The following IQCJ variants were observed in gnomAD, a reference collection of about 807,000 sequenced individuals.
IQCJ encodes IQ motif containing J.
A neutral mutation model predicts 11.0 loss-of-function variants in IQCJ; 9 were observed. That is an observed-to-expected ratio of 0.82 (90% CI 0.49 to 1.43). The LOEUF (loss-of-function observed/expected upper bound fraction) is 1.43, where lower values mean the gene tolerates loss of function less well. IQCJ is among the 40% of genes most tolerant of loss of function. The pLI is 0.00. For missense variants in IQCJ, 146 were observed against 133.2 expected, an observed-to-expected ratio of 1.10 and a Z score of -0.47; for synonymous variants, 55 against 51.3, an observed-to-expected ratio of 1.07 and a Z score of -0.31.
chr3:159,179,347 G>C lies in IQCJ; in HGVS notation c.10-66496G>C, dbSNP rs150901683. On this transcript the variant is annotated intron_variant, in intron 1 of 3. Coordinates refer to ENST00000397832, the MANE Select transcript of IQCJ (RefSeq NM_001042706.3). ...TTCATGGTCAGAGGTTCTCACCTCT[G>C]CATCTACTTACAGCAGCAGTGACCC... Among the ~76,000 whole-genome samples the C allele has an allele frequency of 1.2e-4, 18 of 152,152 alleles. 1 individual carries two copies. The East Asian group carries it at 3.5e-3, about 29-fold the overall frequency.
chr3:159,260,717 G>T (rs764430004), intron 3 of IQCJ, among the ~76,000 whole-genome samples: 3 of 152,120 alleles, frequency 2.0e-5, no homozygotes, highest in African/African-American at 7.2e-5. Context: ...CTTTGAGCAA[G>T]ATTTCGTAAT....
chr3:159,200,277 G>A (rs1028893219), intron 1 of IQCJ, among the ~76,000 whole-genome samples: 2 of 151,720 alleles, frequency 1.3e-5, no homozygotes, highest in Non-Finnish European at 2.9e-5. Flanking sequence ...TTGATTAAGA[G>A]GCCTGTTTCC....
At chr3:159,130,066 A>G (rs1270141845) in intron 1 of IQCJ, among the ~76,000 whole-genome samples, 3 of 152,192 alleles carry the variant, frequency 2.0e-5, no homozygotes, top group African/African-American at 7.2e-5. Flanking sequence ...GCACTCCTGT[A>G]GCAAACCATC....
At chr3:159,174,324 C>G (rs1173914150) in intron 1 of IQCJ, among the ~76,000 whole-genome samples, 2 of 151,916 alleles carry the variant, frequency 1.3e-5, no homozygotes, top group Non-Finnish European at 2.9e-5. Flanking sequence ...AGTTTTTAAC[C>G]TATATTATAT....
At chr3:159,129,184 CAG>C (rs1436494838) in intron 1 of IQCJ, among the ~76,000 whole-genome samples, 1 of 152,138 alleles carries the variant, frequency 6.6e-6, no homozygotes, top group Admixed American at 6.5e-5. Context: ...GATAAGGAAA[CAG>C]AGGCCCTAAG....
intron 1 of IQCJ, among the ~76,000 whole-genome samples, chr3:159,206,720 A>G (rs562106335): frequency 2.0e-5 from 3 of 152,248 alleles, no homozygotes; most frequent in African/African-American, 7.2e-5. Context: ...TTTTAATTCT[A>G]TGAGCTACCC....
intron 1 of IQCJ, among the ~76,000 whole-genome samples, chr3:159,085,292 C>G (rs1320433558): frequency 8.0e-5 from 12 of 150,704 alleles, no homozygotes; most frequent in Admixed American, 7.9e-4. Context: ...GTATATGTGC[C>G]ACATTTTCTT....
intron 1 of IQCJ, among the ~76,000 whole-genome samples, chr3:159,201,511 CTGTGTGTGTG>C (rs59855853): frequency 2.0e-5 from 3 of 149,096 alleles, no homozygotes; most frequent in Non-Finnish European, 4.5e-5. Flanking sequence ...TTGTGTATCT[CTGTGTGTGTG>C]TGTGTGTGTG....
intron 1 of IQCJ, among the ~76,000 whole-genome samples, chr3:159,135,404 T>C (rs1720230285): frequency 6.6e-6 from 1 of 152,180 alleles, no homozygotes; most frequent in Non-Finnish European, 1.5e-5. Flanking sequence ...GACTGTGTTG[T>C]TAAGACAGCA....
At chr3:159,199,041 G>A (rs1724161478) in intron 1 of IQCJ, among the ~76,000 whole-genome samples, 1 of 152,162 alleles carries the variant, frequency 6.6e-6, no homozygotes, top group Non-Finnish European at 1.5e-5. Context: ...GGATTCAGAT[G>A]TCTAAAACAG....
chr3:159,086,583 T>A (rs1716792305), intron 1 of IQCJ, among the ~76,000 whole-genome samples: 1 of 152,038 alleles, frequency 6.6e-6, no homozygotes, highest in African/African-American at 2.4e-5. Context: ...TGTATCCTCT[T>A]TTATTTCCTT....
rs573131652 is a variant in IQCJ at position 159,228,961 on chromosome 3, A to G, written c.10-16882A>G. Among the ~76,000 whole-genome samples, 4 of 152,378 alleles carry G rather than the reference A, an allele frequency of 2.6e-5. No homozygotes were observed. The South Asian group carries it at 8.3e-4, about 32-fold the overall frequency. On this transcript the variant is annotated intron_variant, in intron 1 of 3. Transcript: ENST00000397832. Reference sequence around the variant, plus strand: ...CAATCTACTTTTGATGTTACTAGACATGATGTGGTACTCAGTTGTTGTTAA... The same window carrying G: ...CAATCTACTTTTGATGTTACTAGACGTGATGTGGTACTCAGTTGTTGTTAA...
intron 1 of IQCJ, among the ~76,000 whole-genome samples, chr3:159,090,489 A>G (rs915938195): frequency 6.6e-6 from 1 of 151,800 alleles, no homozygotes; most frequent in African/African-American, 2.4e-5. Flanking sequence ...TGAGAAGCAC[A>G]TCGTCCGTAG....
intron 2 of IQCJ, among the ~76,000 whole-genome samples, chr3:159,248,861 ATT>A (rs111648681): frequency 3.4e-4 from 50 of 146,024 alleles, no homozygotes; most frequent in African/African-American, 9.5e-4. Context: ...TTCATTATTG[ATT>A]TTTTTTTTTT....
intron 1 of IQCJ, among the ~76,000 whole-genome samples, chr3:159,186,323 G>A (rs889393491): frequency 5.9e-5 from 9 of 152,166 alleles, no homozygotes; most frequent in Admixed American, 5.2e-4. Context: ...GAATAGGTAG[G>A]TGATGGCTGG....
At chr3:159,093,635 A>G (rs1405037021) in intron 1 of IQCJ, among the ~76,000 whole-genome samples, 2 of 151,824 alleles carry the variant, frequency 1.3e-5, no homozygotes, top group African/African-American at 4.9e-5. Flanking sequence ...ACATGTTGCT[A>G]TAAATAACTG....
At chr3:159,230,675 G>A (rs1387182643) in intron 1 of IQCJ, among the ~76,000 whole-genome samples, 1 of 152,092 alleles carries the variant, frequency 6.6e-6, no homozygotes, top group Non-Finnish European at 1.5e-5. Flanking sequence ...AAAGGCCTAT[G>A]GCATTTAAAA....
chr3:159,181,012 T>C (rs1723061576), intron 1 of IQCJ, among the ~76,000 whole-genome samples: 1 of 151,864 alleles, frequency 6.6e-6, no homozygotes, highest in East Asian at 1.9e-4. Context: ...CATGTTGTCT[T>C]CTCCTCTTCC....
chr3:159,202,562 A>T (rs1050425982), intron 1 of IQCJ, among the ~76,000 whole-genome samples: 2 of 152,100 alleles, frequency 1.3e-5, no homozygotes, highest in African/African-American at 4.8e-5. Context: ...CTGTTCCTTC[A>T]TGGTTCCTCT....
Sources: allele counts gnomAD v4.1 joint callset (sites outside exome capture counted in the v4.1 genomes callset), GRCh38; gene constraint gnomAD v4.1.1; transcripts MANE v1.5; gene names NCBI Gene and HGNC (gene_info 2026-07-23, HGNC 2026-07-21).